TENM1: variants seen among roughly 807,000 people sequenced by gnomAD.
TENM1 encodes teneurin-1.
Under a neutral mutation model 174.8 loss-of-function variants are expected in TENM1, and 35 were observed. The observed-to-expected ratio is 0.20, with a 90% CI of 0.15 to 0.27. TENM1 has a LOEUF of 0.27. Ranked by LOEUF, TENM1 falls within the 10% of genes least tolerant of loss-of-function variation. The pLI is 1.00. For missense variants in TENM1, 1,633 were observed against 2,130.1 expected (o/e 0.77, Z 4.59); for synonymous variants, 781 against 798.7 (o/e 0.98, Z 0.37).
At chrX:125,203,423 A>G in the TENM1 span, among the ~76,000 whole-genome samples, 1 of 112,152 alleles carries the variant, frequency 8.9e-6, no homozygotes, top group African/African-American at 3.2e-5. Context: ...TCTGCGCGAG[A>G]GCCGAGGCGA....
intron 3 of TENM1, among the ~76,000 whole-genome samples, chrX:124,851,375 A>G (rs187337291): frequency 2.7e-5 from 3 of 112,009 alleles, no homozygotes; most frequent in East Asian, 2.8e-4. Context: ...TTCTTGAGGA[A>G]TTAGAAAACT....
At chrX:124,629,466 G>A (rs1311636324) in intron 11 of TENM1, among the ~76,000 whole-genome samples, 1 of 112,194 alleles carries the variant, frequency 8.9e-6, no homozygotes, top group African/African-American at 3.2e-5. Context: ...CAAAAGATTT[G>A]TCTTTGAAAT....
chrX:124,910,907 ATATAT>A (rs1727561729), intron 1 of TENM1, among the ~76,000 whole-genome samples: 1 of 108,773 alleles, frequency 9.2e-6, no homozygotes, highest in African/African-American at 3.4e-5. Flanking sequence ...ATGCCAAATT[ATATAT>A]TATAATTTTT....
intron 11 of TENM1, among the ~76,000 whole-genome samples, chrX:124,632,206 C>T (rs192895704): frequency 9.1e-6 from 1 of 110,226 alleles, no homozygotes; most frequent in East Asian, 2.9e-4. Flanking sequence ...CCACCACGCC[C>T]GGCCCATACT....
chrX:124,689,365 A>T (rs1487863477), intron 5 of TENM1, among the ~76,000 whole-genome samples: 1 of 112,418 alleles, frequency 8.9e-6, no homozygotes, highest in Non-Finnish European at 1.9e-5. Flanking sequence ...CAAGATTTTG[A>T]AAATTACTCA....
At chrX:124,484,111 C>T (rs2046903870) in intron 21 of TENM1, among the ~76,000 whole-genome samples, 1 of 111,353 alleles carries the variant, frequency 9.0e-6, no homozygotes, top group African/African-American at 3.3e-5. Flanking sequence ...GAGTACTGGT[C>T]AGGTATTTTG....
chrX:124,387,187 A>G (rs1015307351), intron 28 of TENM1, among the ~76,000 whole-genome samples: 1 of 109,481 alleles, frequency 9.1e-6, no homozygotes, highest in African/African-American at 3.3e-5. Flanking sequence ...GCATGTCATT[A>G]AAACTGAATG....
chrX:124,930,230 G>C (rs894939469), intron 1 of TENM1, among the ~76,000 whole-genome samples: 9 of 112,118 alleles, frequency 8.0e-5, no homozygotes, highest in Non-Finnish European at 1.5e-4. Flanking sequence ...TTTCTTTACA[G>C]TCTATATTGT....
At chrX:124,398,342 A>AT (rs200247452) in intron 27 of TENM1, among the ~76,000 whole-genome samples, 22,201 of 105,394 alleles carry the variant, frequency 0.21, 1,908 homozygotes, top group East Asian at 0.31. Flanking sequence ...AATTCCACAG[A>AT]TTTTTTTTTT....
intron 15 of TENM1, among the ~76,000 whole-genome samples, chrX:124,534,264 G>T (rs1293992346): frequency 8.9e-6 from 1 of 111,757 alleles, no homozygotes; most frequent in Admixed American, 9.5e-5. Context: ...CTAACAAGCT[G>T]CTTGTTAGAC....
intron 4 of TENM1, among the ~76,000 whole-genome samples, chrX:124,722,078 T>C (rs1042681310): frequency 3.6e-5 from 4 of 112,298 alleles, no homozygotes; most frequent in Non-Finnish European, 7.5e-5. Context: ...CTATTCACTA[T>C]GGTAAATGAC....
chrX:124,820,781 T>C (rs2056022216), intron 3 of TENM1, among the ~76,000 whole-genome samples: 1 of 112,473 alleles, frequency 8.9e-6, no homozygotes, highest in African/African-American at 3.2e-5. Context: ...CTACTCAGGG[T>C]CACATATTCA....
At chrX:124,420,418 C>T (rs377113888) in exon 25 of TENM1, 81 of 1,210,897 alleles carry the variant, frequency 6.7e-5, no homozygotes, top group Non-Finnish European at 8.6e-5. Context: ...ACACTCTTTT[C>T]AGGACTCCAT....
the TENM1 span, among the ~76,000 whole-genome samples, chrX:125,177,775 T>C: frequency 2.7e-5 from 3 of 111,881 alleles, no homozygotes; most frequent in African/African-American, 6.5e-5. Flanking sequence ...GCCATTTCTA[T>C]TAACTCTGAT....
rs143007524 is a variant in TENM1, at chrX:124,805,974, A to G, written c.536-68777T>C. Among the ~76,000 whole-genome samples the G allele has an allele frequency of 7.4e-4, 83 of 112,419 alleles. 1 individual carries two copies. The highest frequency in any genetic ancestry group is 2.6e-3 in the African/African-American group (81 of 31,004). On this transcript the variant is annotated intron_variant, in intron 3 of 31. Transcript: ENST00000422452. ...CAAAATAAAGTGCCAGTGACTGGCC[A>G]TAAAAAAACAGAGATATACAAACTA...
chrX:125,136,065 G>A, the TENM1 span, among the ~76,000 whole-genome samples: 1 of 111,464 alleles, frequency 9.0e-6, no homozygotes, highest in Non-Finnish European at 1.9e-5. Flanking sequence ...TTTTTCTAAT[G>A]CTGTCTCAGC....
At chrX:125,062,357 C>T in the TENM1 span, among the ~76,000 whole-genome samples, 2 of 110,994 alleles carry the variant, frequency 1.8e-5, no homozygotes, top group African/African-American at 3.3e-5. Context: ...TTGACAAAGC[C>T]GTATTTTTTA....
chrX:125,025,591 A>G, the TENM1 span, among the ~76,000 whole-genome samples: 1 of 111,410 alleles, frequency 9.0e-6, no homozygotes, highest in African/African-American at 3.3e-5. Flanking sequence ...TGTGTCCATG[A>G]TAAAAGTGCT....
chrX:124,941,404 C>A (rs2058324425), intron 1 of TENM1, among the ~76,000 whole-genome samples: 1 of 111,453 alleles, frequency 9.0e-6, no homozygotes, highest in Non-Finnish European at 1.9e-5. Context: ...AGCAATTTTC[C>A]TGGGATCCTT....
Sources: gnomAD v4.1 joint callset for allele counts (sites outside exome capture counted in the v4.1 genomes callset) on GRCh38, gnomAD v4.1.1 for gene constraint, MANE v1.5 for transcripts, NCBI Gene and HGNC (gene_info 2026-07-23, HGNC 2026-07-21) for gene names.